Variants in PGM5 observed in about 807,000 individuals in gnomAD.
PGM5 encodes phosphoglucomutase-like protein 5.
PGM5 carries 23 observed loss-of-function variants against 59.2 expected under a neutral mutation model. The observed-to-expected ratio is 0.39, with a 90% CI of 0.28 to 0.55. The LOEUF is 0.55. Among genes scored for constraint, PGM5 ranks in the 20% least tolerant of loss-of-function variants. The probability of loss-of-function intolerance (pLI) is 0.66; values close to 1 mark genes in which losing one functional copy is unlikely to be tolerated. For missense variants in PGM5, 574 were observed against 748.3 expected, an observed-to-expected ratio of 0.77 and a Z score of 2.72; for synonymous variants, 214 against 286.0, an observed-to-expected ratio of 0.75 and a Z score of 2.54.
intron 6 of PGM5, among the ~76,000 whole-genome samples, chr9:68,409,799 C>G (rs2770854): frequency 0.91 from 118,112 of 129,578 alleles, 54,386 homozygotes; most frequent in Non-Finnish European, 0.97. Context: ...TGGGTGCAGC[C>G]CACCAGCATG....
intron 8 of PGM5, among the ~76,000 whole-genome samples, chr9:68,481,837 T>C (rs1019641062): frequency 6.6e-6 from 1 of 152,194 alleles, no homozygotes; most frequent in Admixed American, 6.5e-5. Flanking sequence ...AGAAAATACA[T>C]AGAATGAAAG....
chr9:68,471,518 T>G (rs1554686215), intron 7 of PGM5, among the ~76,000 whole-genome samples: 1 of 151,528 alleles, frequency 6.6e-6, no homozygotes, highest in African/African-American at 2.4e-5. Flanking sequence ...TTAAACAGGT[T>G]ATGGTGGTTT....
chr9:68,511,545 CTTTTTT>C (rs3064033), intron 10 of PGM5, among the ~76,000 whole-genome samples: 6 of 62,728 alleles, frequency 9.6e-5, no homozygotes, highest in South Asian at 8.2e-4. Flanking sequence ...TTGTTTTTGC[CTTTTTT>C]TTTTTTTTTT....
intron 10 of PGM5, among the ~76,000 whole-genome samples, chr9:68,518,895 G>A (rs1280819026): frequency 1.3e-5 from 2 of 152,174 alleles, no homozygotes; most frequent in Non-Finnish European, 2.9e-5. Flanking sequence ...GATAGGTGAA[G>A]ATTTCCCAGA....
chr9:68,440,722 G>T (rs542285751), intron 6 of PGM5, among the ~76,000 whole-genome samples: 1 of 152,098 alleles, frequency 6.6e-6, no homozygotes, highest in South Asian at 2.1e-4. Context: ...ATTTATAAGA[G>T]AAAGGTTTCA....
At chr9:68,381,853 C>T (rs1377569853) in intron 2 of PGM5, among the ~76,000 whole-genome samples, 1 of 151,750 alleles carries the variant, frequency 6.6e-6, no homozygotes, top group Admixed American at 6.6e-5. Flanking sequence ...TGAAAGTATA[C>T]TGAAAACTAT....
At chr9:68,398,078 C>G (rs1822557799) in intron 6 of PGM5, 1 of 152,128 alleles carries the variant, frequency 6.6e-6, no homozygotes, top group Non-Finnish European at 1.5e-5. Flanking sequence ...TGTTTCATCT[C>G]CCAGATCAGT....
At chr9:68,378,462 G>A (rs1554678035) in intron 2 of PGM5, 101 bp downstream of exon 2, 2 of 1,398,868 alleles carry the variant, frequency 1.4e-6, no homozygotes, top group East Asian at 2.5e-5. Context: ...AAGGTGCAGA[G>A]GACCTAGCTC....
At chr9:68,526,250 T>C (rs965846897) in intron 10 of PGM5, among the ~76,000 whole-genome samples, 8 of 152,176 alleles carry the variant, frequency 5.3e-5, no homozygotes, top group Non-Finnish European at 8.8e-5. Context: ...GGTGGTCTTC[T>C]TCCCAAACAC....
At chr9:68,487,361 T>A (rs1824311847) in intron 9 of PGM5, among the ~76,000 whole-genome samples, 1 of 152,016 alleles carries the variant, frequency 6.6e-6, no homozygotes, top group Non-Finnish European at 1.5e-5. Flanking sequence ...TCAAGAAATA[T>A]CAGTTCCCTC....
chr9:68,454,964 G>A, intron 6 of PGM5, among the ~76,000 whole-genome samples: 1 of 152,344 alleles, frequency 6.6e-6, no homozygotes, highest in South Asian at 2.1e-4. Flanking sequence ...TATGCTTCCT[G>A]ATAAAATTAA....
chr9:68,500,830 A>G (rs1183357018), intron 10 of PGM5, among the ~76,000 whole-genome samples: 1 of 152,206 alleles, frequency 6.6e-6, no homozygotes, highest in Non-Finnish European at 1.5e-5. Flanking sequence ...TGCACAGGGC[A>G]AGTGGCTGTG....
At chr9:68,452,910 T>G (rs1823720101) in intron 6 of PGM5, among the ~76,000 whole-genome samples, 1 of 152,228 alleles carries the variant, frequency 6.6e-6, no homozygotes. Context: ...ATCCTTGATG[T>G]GAGTTAAAAG....
Position 68,437,949 on chromosome 9 carries a change from C to T in PGM5, c.1044-27144C>T, listed in dbSNP as rs891347155. ...ATATCCAGCTGGCTGCTTTACCACA[C>T]ATCACGTGCTTGGCTCATGGAGACA... is the stretch of plus-strand genomic sequence containing the variant. On this transcript the variant is annotated intron_variant, in intron 6 of 10. Transcript: ENST00000396396. The surrounding 1 kb of genome is among the most constrained non-coding windows in gnomAD (Gnocchi z 4.1). 1.3e-5 allele frequency among the ~76,000 whole-genome samples: 2 copies of T among 152,106 alleles called. No individual in the cohort carries two copies. Among genetic ancestry groups the T allele is most frequent in the African/African-American group, 2.4e-5 (1 of 41,416 alleles).
At chr9:68,522,509 G>A (rs371367) in intron 10 of PGM5, among the ~76,000 whole-genome samples, 150,841 of 152,300 alleles carry the variant, frequency 0.99, 74,717 homozygotes, top group Middle Eastern at 1. Context: ...ATGGACTGGC[G>A]TAGCGAGGAA....
chr9:68,490,791 A>T (rs1554687819), intron 9 of PGM5, among the ~76,000 whole-genome samples: 1 of 152,342 alleles, frequency 6.6e-6, no homozygotes, highest in South Asian at 2.1e-4. Context: ...AGCCTCAGAA[A>T]TCATTTTAGT....
intron 6 of PGM5, among the ~76,000 whole-genome samples, chr9:68,451,441 G>A (rs1473112270): frequency 1.4e-4 from 22 of 152,202 alleles, no homozygotes; most frequent in African/African-American, 5.1e-4. Context: ...TTGTAGCCTC[G>A]TCATTTCAAA....
At chr9:68,471,535 A>G (rs1236307085) in intron 7 of PGM5, among the ~76,000 whole-genome samples, 2 of 151,024 alleles carry the variant, frequency 1.3e-5, no homozygotes, top group Non-Finnish European at 2.9e-5. Flanking sequence ...GTTTGTGCCT[A>G]TGTGGGAAGC....
intron 10 of PGM5, among the ~76,000 whole-genome samples, chr9:68,506,701 C>T (rs1323874259): frequency 6.6e-6 from 1 of 152,092 alleles, no homozygotes; most frequent in South Asian, 2.1e-4. Context: ...GGATATAATA[C>T]ATATGATGTG....
Sources: allele counts gnomAD v4.1 joint callset (sites outside exome capture counted in the v4.1 genomes callset), GRCh38; gene constraint gnomAD v4.1.1; non-coding constraint Gnocchi (gnomAD v3.1); transcripts MANE v1.5; gene names NCBI Gene and HGNC (gene_info 2026-07-23, HGNC 2026-07-21).